The following PPIL1 variants were observed in gnomAD, a reference collection of about 807,000 sequenced individuals.
The protein encoded by PPIL1 is peptidylprolyl isomerase like 1.
A neutral mutation model predicts 19.4 loss-of-function variants in PPIL1; 14 were observed. The observed-to-expected ratio is 0.72, with a 90% CI of 0.48 to 1.13. PPIL1 has a LOEUF of 1.13. PPIL1 is among the 50% of genes most tolerant of loss of function. The pLI, the probability that PPIL1 is intolerant of heterozygous loss-of-function variation, is 0.00. For missense variants in PPIL1, 192 were observed against 218.0 expected (o/e 0.88, Z 0.75); for synonymous variants, 72 against 73.6 (o/e 0.98, Z 0.11).
rs536094133 is a variant in PPIL1, at chr6:36,860,761, C to T, written c.212-4107G>A. Among the ~76,000 whole-genome samples, 36 of 122,564 alleles carry T rather than the reference C, an allele frequency of 2.9e-4. 1 individual carries two copies. The East Asian group carries it at 7.4e-3, about 25-fold the overall frequency. 80.4% of individuals were successfully genotyped at this position (122,564 alleles called of 152,430 possible). ...CTTTTTTACTACACATATATGTATC[C>T]CTAAAAAAAAAAAAAAAAAAGTATT... On this transcript the variant is annotated intron_variant, in intron 2 of 3. Coordinates refer to ENST00000373699, the MANE Select transcript of PPIL1 (RefSeq NM_016059.5).
chr6:36,860,449 A>G (rs1774262303), intron 2 of PPIL1, among the ~76,000 whole-genome samples: 1 of 152,158 alleles, frequency 6.6e-6, no homozygotes, highest in Non-Finnish European at 1.5e-5. Context: ...CTCCAAAAAA[A>G]AAGAGATTCT....
At chr6:36,862,387 A>G (rs1295520927) in intron 2 of PPIL1, among the ~76,000 whole-genome samples, 3 of 152,160 alleles carry the variant, frequency 2.0e-5, no homozygotes, top group Non-Finnish European at 2.9e-5. Context: ...AACCTCAGAG[A>G]CAAAAAAGGC....
chr6:36,870,786 G>A (rs1329966576), intron 2 of PPIL1, among the ~76,000 whole-genome samples: 2 of 151,966 alleles, frequency 1.3e-5, no homozygotes, highest in African/African-American at 2.4e-5. Flanking sequence ...CAACCCGCCC[G>A]GCTAATTTTT....
intron 1 of PPIL1, among the ~76,000 whole-genome samples, chr6:36,874,416 C>T (rs3778016): frequency 0.5 from 75,632 of 151,748 alleles, 19,414 homozygotes; most frequent in East Asian, 0.66. Context: ...ACTCATATTC[C>T]ATATGCCTGG....
In PPIL1 at chr6:36,856,585, C is replaced by T. The variant is rs374639625; in HGVS notation, c.280+1G>A. The T allele has an allele frequency of 1.2e-5, 20 of 1,613,670 alleles. No homozygotes were observed. The highest frequency in any genetic ancestry group is 3.3e-5 in the Admixed American group (2 of 60,026). ...CCAGTCCAGCCAAATTATACACTTA[C>T]CCGTGAATTTCAAGTCTGGATGAAG... On this transcript the variant is annotated splice_donor_variant, in intron 3 of 3. Transcript: ENST00000373699. LOFTEE classifies it high-confidence loss of function.
chr6:36,857,955 C>G lies in PPIL1; in HGVS notation c.212-1301G>C, dbSNP rs111792987. Among the ~76,000 whole-genome samples the G allele has an allele frequency of 5.5e-3, 838 of 152,064 alleles. 9 individuals are homozygous for G. Among genetic ancestry groups the G allele is most frequent in the African/African-American group, 0.019 (775 of 41,454 alleles). On this transcript the variant is annotated intron_variant, in intron 2 of 3. Transcript: ENST00000373699. ...GCAAAAGGATGTAAGTTAGACCAGG[C>G]GCGGTGGCTCATGCCTATAATCCCA...
chr6:36,855,565 G>GT lies in PPIL1; in HGVS notation c.*247dup, dbSNP rs1407046910. On this transcript the variant is annotated 3_prime_UTR_variant, in exon 4 of 4. Coordinates refer to ENST00000373699, the MANE Select transcript of PPIL1 (RefSeq NM_016059.5). ...GAAGCAGCATTATGGTTCATGTGTA[G>GT]TAAGTAGTCACCTATTGATAAACAG... The GT allele has an allele frequency of 5.7e-6, 3 of 522,718 alleles. No individual in the cohort carries two copies. In the African/African-American group the frequency reaches 5.7e-5, roughly 10 times the overall value. The allele number at this position is 522,718 out of a possible 1,614,324, so 32.4% of individuals were successfully genotyped here.
chr6:36,861,936 T>G (rs1774299254), intron 2 of PPIL1, among the ~76,000 whole-genome samples: 1 of 152,188 alleles, frequency 6.6e-6, no homozygotes, highest in Non-Finnish European at 1.5e-5. Flanking sequence ...CCTCAGGTGA[T>G]CTGCCTACCT....
Position 36,856,652 on chromosome 6 carries a change from G to A in PPIL1, c.214C>T (p.Arg72Ter). 1 of 1,613,774 alleles carries A rather than the reference G, an allele frequency of 6.2e-7. No homozygotes were observed. Among genetic ancestry groups the A allele is most frequent in the Non-Finnish European group, 8.5e-7 (1 of 1,179,740 alleles). Residue 72 changes from arginine to a stop codon, truncating the protein, a stop_gained and splice_region_variant, in exon 3 of 4, where the codon CGA (arginine) becomes TGA (stop). Coordinates refer to ENST00000373699, the MANE Select transcript of PPIL1 (RefSeq NM_016059.5). LOFTEE classifies it high-confidence loss of function. Reference protein sequence around the residue: ...IQGGDPTGTGRGGASIYGKQF... With the variant: ...IQGGDPTGTG ...TTGCCATAGATAGATGCACCACCTCGACCTGCCCGATTGGAAGATGACACA... is the reference window on the plus strand; with the variant it reads ...TTGCCATAGATAGATGCACCACCTCAACCTGCCCGATTGGAAGATGACACA...
chr6:36,860,324 T>C (rs192089531), intron 2 of PPIL1, among the ~76,000 whole-genome samples: 109 of 152,144 alleles, frequency 7.2e-4, no homozygotes, highest in Non-Finnish European at 1.2e-3. Context: ...GGCGTGGTTG[T>C]GCGTGCCTGC....
rs1015444991 is a variant in PPIL1, at chr6:36,855,039, A to C, written c.*774T>G. The C allele has an allele frequency of 6.5e-6, 1 of 152,684 alleles. No homozygotes were observed. Among genetic ancestry groups the C allele is most frequent in the Non-Finnish European group, 1.5e-5 (1 of 68,046 alleles). The allele number at this position is 152,684 out of a possible 1,614,324, so 9.5% of individuals were successfully genotyped here. A position where few individuals can be genotyped will look rare whatever the true frequency, so the allele number is the denominator to read the frequency against. ...CTCCTTTCTGAGAGTACTACTTCTC[A>C]AGGAGGATTCATGGTCTGTCCTTTG... On this transcript the variant is annotated 3_prime_UTR_variant, in exon 4 of 4. Transcript: ENST00000373699.
chr6:36,871,884 G>A lies in PPIL1; in HGVS notation c.57-12C>T, dbSNP rs755037551. ...CAATGATTCCCATGCTGCAGAGGGA[G>A]AGGACAACAGCTCCAGTAAACAAAA... On this transcript the variant is annotated splice_polypyrimidine_tract_variant and intron_variant, in intron 1 of 3. Transcript: ENST00000373699. 5 of 1,564,702 alleles carry A rather than the reference G, an allele frequency of 3.2e-6. No homozygotes were observed. The highest frequency in any genetic ancestry group is 4.3e-6 in the Non-Finnish European group (5 of 1,161,974).
intron 2 of PPIL1, among the ~76,000 whole-genome samples, chr6:36,867,099 C>T (rs1774410114): frequency 6.6e-6 from 1 of 152,154 alleles, no homozygotes; most frequent in Non-Finnish European, 1.5e-5. Context: ...GGCCTCAACC[C>T]GTGTGCGGCC....
intron 2 of PPIL1, among the ~76,000 whole-genome samples, chr6:36,863,278 ACT>A (rs1774327134): frequency 6.6e-6 from 1 of 152,022 alleles, no homozygotes; most frequent in Admixed American, 6.6e-5. Flanking sequence ...GCTGCTGCTC[ACT>A]CTTTGAGGAG....
chr6:36,870,903 C>T (rs557382013), intron 2 of PPIL1, among the ~76,000 whole-genome samples: 6 of 152,250 alleles, frequency 3.9e-5, no homozygotes, highest in African/African-American at 1.2e-4. Context: ...GGATTACAGG[C>T]GTGAGCCACC....
intron 1 of PPIL1, among the ~76,000 whole-genome samples, 194 bp downstream of exon 1, chr6:36,874,523 C>T (rs1774594819): frequency 6.6e-6 from 1 of 152,250 alleles, no homozygotes; most frequent in Non-Finnish European, 1.5e-5. Context: ...GAGACCTCAG[C>T]ACAAGACCCC....
chr6:36,863,079 T>C (rs918245919), intron 2 of PPIL1, among the ~76,000 whole-genome samples: 4 of 152,204 alleles, frequency 2.6e-5, no homozygotes, highest in Non-Finnish European at 4.4e-5. Context: ...TGAGACAGCA[T>C]ATGGAAGCTA....
rs55719434 is a variant in PPIL1 at position 36,858,231 on chromosome 6, CAAA to C, written c.212-1580_212-1578del. Among the ~76,000 whole-genome samples the C allele has an allele frequency of 8.2e-3, 562 of 68,170 alleles. 2 individuals are homozygous for C. Among genetic ancestry groups the C allele is most frequent in the African/African-American group, 0.021 (368 of 17,290 alleles). The allele number at this position is 68,170 out of a possible 152,430, so 44.7% of individuals were successfully genotyped here. A position where few individuals can be genotyped will look rare whatever the true frequency, so the allele number is the denominator to read the frequency against. On this transcript the variant is annotated intron_variant, in intron 2 of 3. Coordinates refer to ENST00000373699, the MANE Select transcript of PPIL1 (RefSeq NM_016059.5). ...CCTGGGCGACAGAGCAAGACTGTCT[CAAA>C]AAAAAAAAAAAAAAAAAAAAAAGAT... is the stretch of plus-strand genomic sequence containing the variant.
intron 2 of PPIL1, 23 bp from the exon 3 acceptor site, chr6:36,856,677 A>G: frequency 1.2e-6 from 2 of 1,607,644 alleles, no homozygotes; most frequent in East Asian, 4.5e-5. Context: ...AAGATGACAC[A>G]TGAATCAGCC....
Sources: allele counts gnomAD v4.1 joint callset (sites outside exome capture counted in the v4.1 genomes callset), GRCh38; gene constraint gnomAD v4.1.1; transcripts MANE v1.5; gene names NCBI Gene and HGNC (gene_info 2026-07-23, HGNC 2026-07-21).